NHSL3: variants seen among roughly 807,000 people sequenced by gnomAD.
NHSL3 encodes NHS like 3.
chr1:32,768,645 C>T, the NHSL3 span: 1 of 1,614,058 alleles, frequency 6.2e-7, no homozygotes, highest in Non-Finnish European at 8.5e-7. Context: ...TCCTTCTACC[C>T]TGATAGTCCT....
chr1:32,750,741 T>G, the NHSL3 span, among the ~76,000 whole-genome samples: 1 of 151,772 alleles, frequency 6.6e-6, no homozygotes. Context: ...CTGCTGACCT[T>G]GTGATCTGCC....
the NHSL3 span, among the ~76,000 whole-genome samples, chr1:32,754,502 T>C: frequency 1.3e-4 from 20 of 152,070 alleles, no homozygotes; most frequent in South Asian, 4.2e-3. Flanking sequence ...GCCTGAGACA[T>C]AGGTACATGT....
chr1:32,768,993 G>A, the NHSL3 span: 979 of 501,310 alleles, frequency 2.0e-3, 10 homozygotes, highest in African/African-American at 0.016. Context: ...GCTCACGCCT[G>A]TAATCCCAGC....
At chr1:32,759,939 G>A in the NHSL3 span, among the ~76,000 whole-genome samples, 1 of 152,226 alleles carries the variant, frequency 6.6e-6, no homozygotes, top group Non-Finnish European at 1.5e-5. Context: ...AGAAGAGAAA[G>A]TGTTTTGAGA....
At chr1:32,745,062 G>T in the NHSL3 span, among the ~76,000 whole-genome samples, 1 of 151,124 alleles carries the variant, frequency 6.6e-6, no homozygotes, top group African/African-American at 2.4e-5. Context: ...GGAGGCGGAG[G>T]TTGCAGTTAG....
the NHSL3 span, chr1:32,772,878 G>A: frequency 6.2e-7 from 1 of 1,614,148 alleles, no homozygotes; most frequent in Non-Finnish European, 8.5e-7. Flanking sequence ...CACAGAAAGA[G>A]CTGGCCTGAC....
chr1:32,769,529 T>C, the NHSL3 span: 86 of 686,330 alleles, frequency 1.3e-4, no homozygotes, highest in African/African-American at 1.5e-3. Flanking sequence ...AAGAAGCCTC[T>C]AGCTTTGTTT....
At chr1:32,752,946 CACACATATATATATAT>C in the NHSL3 span, among the ~76,000 whole-genome samples, 9,747 of 24,000 alleles carry the variant, frequency 0.41, 799 homozygotes, top group East Asian at 0.45. Context: ...CACACACACA[CACACATATATATATAT>C]ATATATTTTG....
At chr1:32,773,160 G>A in the NHSL3 span, 116 of 531,886 alleles carry the variant, frequency 2.2e-4, 1 homozygote, top group Non-Finnish European at 3.4e-4. Context: ...GGTAGCTGGC[G>A]GGAGAGGGTG....
the NHSL3 span, among the ~76,000 whole-genome samples, chr1:32,748,513 C>T: frequency 2.6e-5 from 4 of 152,102 alleles, no homozygotes; most frequent in African/African-American, 9.7e-5. Flanking sequence ...GCTTCTCCTG[C>T]CTGGAATGTG....
chr1:32,752,681 G>A, the NHSL3 span, among the ~76,000 whole-genome samples: 1 of 151,632 alleles, frequency 6.6e-6, no homozygotes, highest in Non-Finnish European at 1.5e-5. Flanking sequence ...AGGTTCAAGC[G>A]ATCCTCCCAC....
the NHSL3 span, chr1:32,771,624 G>T: frequency 6.2e-7 from 1 of 1,612,976 alleles, no homozygotes; most frequent in Non-Finnish European, 8.5e-7. Flanking sequence ...TCAGCTCCCC[G>T]GCTGCTTCGT....
chr1:32,771,952 G>A, the NHSL3 span: 2 of 1,604,886 alleles, frequency 1.2e-6, no homozygotes, highest in Non-Finnish European at 1.7e-6. Context: ...CCCAGTGCCT[G>A]CCCCCTCCTC....
chr1:32,745,717 A>G, the NHSL3 span, among the ~76,000 whole-genome samples: 1 of 152,168 alleles, frequency 6.6e-6, no homozygotes, highest in African/African-American at 2.4e-5. Flanking sequence ...TCCAGGATCA[A>G]ATGAGCTAAC....
At chr1:32,742,328 C>T in the NHSL3 span, 1 of 850,926 alleles carries the variant, frequency 1.2e-6, no homozygotes, top group Non-Finnish European at 1.6e-6. Flanking sequence ...GAGGCCAGGG[C>T]TGAGTCCGAA....
chr1:32,750,200 G>A, the NHSL3 span, among the ~76,000 whole-genome samples: 3 of 152,304 alleles, frequency 2.0e-5, no homozygotes, highest in East Asian at 1.9e-4. Flanking sequence ...GTTAGGAGGA[G>A]TGAAATCTCT....
the NHSL3 span, chr1:32,741,850 C>T: frequency 2.4e-4 from 37 of 153,018 alleles, no homozygotes; most frequent in Middle Eastern, 3.3e-3. The surrounding 1 kb of genome is among the most constrained non-coding windows in gnomAD (Gnocchi z 4.3). Context: ...GCTCGGCCTC[C>T]GCCGCCCAAA....
At chr1:32,773,088 C>T in the NHSL3 span, 2 of 606,870 alleles carry the variant, frequency 3.3e-6, no homozygotes, top group Non-Finnish European at 3.0e-6. Flanking sequence ...ATGCCTTTTC[C>T]CGAATGGGTT....
At chr1:32,767,864 C>T in the NHSL3 span, 1 of 1,614,040 alleles carries the variant, frequency 6.2e-7, no homozygotes, top group Non-Finnish European at 8.5e-7. Context: ...GGATGAGCAC[C>T]AGGACAACGT....
Sources: gnomAD v4.1 joint callset for allele counts (sites outside exome capture counted in the v4.1 genomes callset) on GRCh38, gnomAD v4.1.1 for gene constraint, Gnocchi (gnomAD v3.1) non-coding constraint, MANE v1.5 for transcripts, NCBI Gene and HGNC (gene_info 2026-07-23, HGNC 2026-07-21) for gene names.